IDH3B: variants seen among roughly 807,000 people sequenced by gnomAD.
IDH3B encodes isocitrate dehydrogenase [NAD] subunit beta, mitochondrial.
IDH3B carries 40 observed loss-of-function variants against 47.5 expected under a neutral mutation model. That is an observed-to-expected ratio of 0.84 (90% confidence interval 0.65 to 1.10). IDH3B has a LOEUF of 1.10. Among genes scored for constraint, IDH3B ranks in the 50% least tolerant of loss-of-function variants. The pLI, the probability that IDH3B is intolerant of heterozygous loss-of-function variation, is 0.00. For missense variants in IDH3B, 450 were observed against 505.2 expected (o/e 0.89, Z 1.05); for synonymous variants, 185 against 191.0 (o/e 0.97, Z 0.26).
At chr20:2,659,084 CAG>C in intron 11 of IDH3B, 1 of 1,439,346 alleles carries the variant, frequency 6.9e-7, no homozygotes, top group Non-Finnish European at 9.1e-7. Context: ...ATGGGAAACG[CAG>C]ATCAGAGGCA....
intron 11 of IDH3B, chr20:2,659,251 A>C (rs2086889686): frequency 6.9e-7 from 1 of 1,445,432 alleles, no homozygotes; most frequent in Non-Finnish European, 9.0e-7. Context: ...CAAGTTCTGC[A>C]TTCAGATGGC....
intron 9 of IDH3B, 110 bp from the exon 10 acceptor site, chr20:2,659,903 AAAG>A: frequency 6.8e-7 from 1 of 1,469,638 alleles, no homozygotes. Flanking sequence ...GGGTCACTGA[AAAG>A]AGGCATGGTG....
At chr20:2,661,029 A>G in intron 4 of IDH3B, 60 bp from the exon 5 acceptor site, 1 of 1,418,256 alleles carries the variant, frequency 7.1e-7, no homozygotes, top group Non-Finnish European at 1.0e-6. Flanking sequence ...GGGAACTCAG[A>G]CCAGTGTCTA....
At chr20:2,663,397 C>T (rs777449967) in intron 4 of IDH3B, 49 bp downstream of exon 4, 1 of 1,609,176 alleles carries the variant, frequency 6.2e-7, no homozygotes, top group Admixed American at 1.7e-5. Context: ...AACATTTGGT[C>T]ATTTGATTTT....
chr20:2,659,908 G>A lies in IDH3B; in HGVS notation c.916-115C>T. ...GCTCAGGCCAGGGTCACTGAAAAGA[G>A]GCATGGTGGGCAGCGTGGGGGAAGA... On this transcript the variant is annotated intron_variant, in intron 9 of 11. Transcript: ENST00000380843. 3 of 1,462,574 alleles carry A rather than the reference G, an allele frequency of 2.1e-6. No individual in the cohort carries two copies. In the South Asian group the frequency reaches 3.4e-5, roughly 17 times the overall value. 90.6% of individuals were successfully genotyped at this position (1,462,574 alleles called of 1,614,324 possible).
rs762154842 is a variant in IDH3B, at chr20:2,660,408, A to G, written c.666-43T>C. The G allele has an allele frequency of 1.9e-6, 3 of 1,613,924 alleles. No homozygotes were observed. Among genetic ancestry groups the G allele is most frequent in the South Asian group, 1.1e-5 (1 of 91,074 alleles). On this transcript the variant is annotated intron_variant, in intron 7 of 11. Coordinates refer to ENST00000380843, the MANE Select transcript of IDH3B (RefSeq NM_006899.5). The surrounding 1 kb of genome is among the most constrained non-coding windows in gnomAD (Gnocchi z 5.6). The stretch of plus-strand genomic sequence containing the variant: ...GGGACAGAATCAGCCAAGAAAGTAC[A>G]GGGGCTACCTTCCCAGGAACCCATC...
intron 10 of IDH3B, 30 bp from the exon 11 acceptor site, chr20:2,659,615 C>G: frequency 1.2e-6 from 2 of 1,613,050 alleles, no homozygotes; most frequent in African/African-American, 1.3e-5. Flanking sequence ...GAAACTGTGA[C>G]TCCCCCAAGA....
rs773324520 is a variant in IDH3B, at chr20:2,658,445, T to C, written c.*306A>G. 6.2e-7 allele frequency: 1 copy of C among 1,614,136 alleles called. No individual in the cohort carries two copies. The highest frequency in any genetic ancestry group is 8.5e-7 in the Non-Finnish European group (1 of 1,180,004). On this transcript the variant is annotated 3_prime_UTR_variant, in exon 12 of 12. Coordinates refer to ENST00000380843, the MANE Select transcript of IDH3B (RefSeq NM_006899.5). ...CTTACATGGGTATGGACAGGGCCTA[T>C]GGGTGGGGCAAGGCAGCAATGACAG...
In IDH3B at chr20:2,663,743, C is replaced by G; in HGVS notation, c.133G>C (p.Val45Leu). The stretch of plus-strand genomic sequence containing the variant: ...ATGGTCACGGGAAAGGAGCCCTCCA[C>G]CCTCACGTCCTCGGCCTCAATTGGG... ...ASRSQAEDVR[V>L]EGSFPVTMLP... is the part of the protein sequence containing the mutation. The change falls in exon 3 of 12, where the codon GTG (valine) becomes CTG (leucine). Residue 45 changes from valine to leucine, a missense_variant. Transcript: ENST00000380843. 6.2e-7 allele frequency: 1 copy of G among 1,614,164 alleles called. No homozygotes were observed. Among genetic ancestry groups the G allele is most frequent in the South Asian group, 1.1e-5 (1 of 91,084 alleles).
chr20:2,664,038 G>GA (rs1232683914), intron 1 of IDH3B, 33 bp from the exon 2 acceptor site: 1 of 1,613,232 alleles, frequency 6.2e-7, no homozygotes. Context: ...TGTAAGGTCA[G>GA]CTTTGAGACA....
At chr20:2,663,834 G>A in intron 2 of IDH3B, 76 bp from the exon 3 acceptor site, 4 of 1,591,602 alleles carry the variant, frequency 2.5e-6, no homozygotes, top group South Asian at 2.2e-5. Context: ...GAGAAGTAGG[G>A]AGACCCGGGA....
chr20:2,663,900 A>G (rs2086997130), intron 2 of IDH3B, 25 bp downstream of exon 2: 1 of 1,611,780 alleles, frequency 6.2e-7, no homozygotes, highest in African/African-American at 1.3e-5. Context: ...GTCGTAAGAG[A>G]GACCCCAGCC....
In IDH3B at chr20:2,659,506, A is replaced by G; in HGVS notation, c.1071+19T>C. The G allele has an allele frequency of 1.9e-6, 3 of 1,612,902 alleles. No homozygotes were observed. Among genetic ancestry groups the G allele is most frequent in the Non-Finnish European group, 2.5e-6 (3 of 1,178,850 alleles). On this transcript the variant is annotated intron_variant, in intron 11 of 11. Transcript: ENST00000380843. ...AACTACTCTAAATCCTGAAGCCAGC[A>G]CTACTCTTCTCAACTCACCTTGCCA...
intron 3 of IDH3B, 32 bp from the exon 4 acceptor site, chr20:2,663,598 C>A: frequency 6.2e-7 from 1 of 1,614,160 alleles, no homozygotes; most frequent in South Asian, 1.1e-5. Flanking sequence ...ACATCACAGT[C>A]AAGGCCAAGT....
rs776399707 is a variant in IDH3B at position 2,659,728 on chromosome 20, C to T, written c.981G>A (p.Leu327=). 49 of 1,614,072 alleles carry T rather than the reference C, an allele frequency of 3.0e-5. No homozygotes were observed. The Admixed American group carries it at 7.7e-4, about 25-fold the overall frequency. ...GATGCCGCAGCATGTTGGAAGCCGA[C>T]AGCAGCATGGCCGTGGGATTGGCTA... ...RNIANPTAML[L]SASNMLRHLN... Residue 327 remains leucine, a synonymous_variant, in exon 10 of 12, where the codon CTG becomes CTA. Transcript: ENST00000380843.
At position 2,658,729 on chromosome 20, in the gene IDH3B, A is replaced by T; in HGVS notation, c.*22T>A. ...GGGTATGGGGAGTGTGGTCCTTGCA[A>T]GGTTGGAAGAAATAAAGGGCTCTAG... On this transcript the variant is annotated 3_prime_UTR_variant, in exon 12 of 12. Transcript: ENST00000380843. 1 of 1,614,090 alleles carries T rather than the reference A, an allele frequency of 6.2e-7. No individual in the cohort carries two copies. The highest frequency in any genetic ancestry group is 8.5e-7 in the Non-Finnish European group (1 of 1,180,014).
chr20:2,659,529 C>T lies in IDH3B; in HGVS notation c.1067G>A (p.Gly356Asp). The T allele has an allele frequency of 6.8e-6, 11 of 1,614,172 alleles. No homozygotes were observed. Among genetic ancestry groups the T allele is most frequent in the Non-Finnish European group, 9.3e-6 (11 of 1,179,978 alleles). ...GCACTACTCTTCTCAACTCACCTTG[C>T]CAACTTTGATCACCTTCTTCACCGC... ...ADAVKKVIKV[G>D]KVRTRDMGGY... The change falls in exon 11 of 12, where the codon GGC becomes GAC. Residue 356 changes from glycine to aspartate, a missense_variant. By Grantham distance (94) the Gly-to-Asp change is moderately conservative (BLOSUM62 -1). Transcript: ENST00000380843.
In IDH3B at chr20:2,658,617, C is replaced by G; in HGVS notation, c.*134G>C. 1 of 1,613,240 alleles carries G rather than the reference C, an allele frequency of 6.2e-7. No individual in the cohort carries two copies. Among genetic ancestry groups the G allele is most frequent in the South Asian group, 1.1e-5 (1 of 90,926 alleles). On this transcript the variant is annotated 3_prime_UTR_variant, in exon 12 of 12. Coordinates refer to ENST00000380843, the MANE Select transcript of IDH3B (RefSeq NM_006899.5). ...AGTCTGTCCCCTAAGGAAGCCGGCC[C>G]AAGGACAACCTAGGCTCTACCCAGC...
At chr20:2,662,582 G>A (rs1173906344) in intron 4 of IDH3B, among the ~76,000 whole-genome samples, 1 of 152,176 alleles carries the variant, frequency 6.6e-6, no homozygotes, top group Non-Finnish European at 1.5e-5. Flanking sequence ...AGTTTGGGAT[G>A]CAGAGGTGGG....
Sources: gnomAD v4.1 joint callset for allele counts (sites outside exome capture counted in the v4.1 genomes callset) on GRCh38, gnomAD v4.1.1 for gene constraint, Gnocchi (gnomAD v3.1) non-coding constraint, MANE v1.5 for transcripts, NCBI Gene and HGNC (gene_info 2026-07-23, HGNC 2026-07-21) for gene names.